The following DENND10 variants were observed in gnomAD, a reference collection of about 807,000 sequenced individuals.
DENND10 encodes DENN domain-containing protein 10.
A neutral mutation model predicts 43.6 loss-of-function variants in DENND10; 24 were observed. That is an observed-to-expected ratio of 0.55 (90% CI 0.40 to 0.77). The LOEUF is 0.77. Among genes scored for constraint, DENND10 ranks in the 30% least tolerant of loss-of-function variants. The pLI, the probability that DENND10 is intolerant of heterozygous loss-of-function variation, is 0.00. For synonymous variants in DENND10, 125 were observed against 157.6 expected (o/e 0.79, Z 1.55); for missense variants, 303 against 429.9 (o/e 0.70, Z 2.61).
chr10:119,129,163 T>C (rs17098463), intron 6 of DENND10, among the ~76,000 whole-genome samples: 2,427 of 152,224 alleles, frequency 0.016, 56 homozygotes, highest in African/African-American at 0.056. Flanking sequence ...GCATTTGCCA[T>C]TGATTTCCTG....
Position 119,131,404 on chromosome 10 carries a change from G to A in DENND10, c.803-1111G>A, listed in dbSNP as rs1846082983. ...ACCCGGGAGGCAGAGCTTGCAGTGA[G>A]CCGAGATCGCGCCACTGCACTCCAG... On this transcript the variant is annotated intron_variant, in intron 7 of 8. Transcript: ENST00000361432. Among the ~76,000 whole-genome samples the A allele has an allele frequency of 2.0e-5, 3 of 152,174 alleles. No individual in the cohort carries two copies. The South Asian group carries it at 6.2e-4, about 32-fold the overall frequency.
chr10:119,123,238 C>T (rs1184178431), intron 5 of DENND10, among the ~76,000 whole-genome samples: 2 of 152,194 alleles, frequency 1.3e-5, no homozygotes, highest in Non-Finnish European at 2.9e-5. Context: ...CATTGCACTC[C>T]AGCCTGGGTG....
chr10:119,117,969 AAAAAAAC>A (rs1041069433), intron 4 of DENND10, among the ~76,000 whole-genome samples: 1 of 152,202 alleles, frequency 6.6e-6, no homozygotes, highest in Non-Finnish European at 1.5e-5. Context: ...CCGTCTCAAA[AAAAAAAC>A]AAAAAACAAA....
In DENND10 at chr10:119,132,468, T is replaced by G; in HGVS notation, c.803-47T>G. 1 of 1,513,678 alleles carries G rather than the reference T, an allele frequency of 6.6e-7. No homozygotes were observed. Among genetic ancestry groups the G allele is most frequent in the Non-Finnish European group, 9.2e-7 (1 of 1,089,664 alleles). The allele number at this position is 1,513,678 out of a possible 1,614,324, so 93.8% of individuals were successfully genotyped here. On this transcript the variant is annotated intron_variant, in intron 7 of 8. Transcript: ENST00000361432. This position sits in a 1 kb window ranked among gnomAD's most constrained non-coding sequence, Gnocchi z 4.2. ...CAAGTTTTCAGATAGATGGCATGAT[T>G]ATTTTTTATGTCGATTTCTAAATAT...
chr10:119,120,272 A>T, intron 4 of DENND10, 69 bp from the exon 5 acceptor site: 1 of 1,039,852 alleles, frequency 9.6e-7, no homozygotes, highest in Non-Finnish European at 1.4e-6. Context: ...AAAGAAAAAA[A>T]GAAAAAAAAA....
chr10:119,127,832 G>A (rs1845902557), intron 6 of DENND10, among the ~76,000 whole-genome samples: 1 of 151,984 alleles, frequency 6.6e-6, no homozygotes. Context: ...GTTTCATCAT[G>A]TTGGCCAGGA....
chr10:119,114,290 A>ACACC (rs1845136389), intron 3 of DENND10: 1 of 151,256 alleles, frequency 6.6e-6, no homozygotes, highest in Non-Finnish European at 1.5e-5. Flanking sequence ...ACACACACAC[A>ACACC]GGTCTGTGTG....
intron 1 of DENND10, among the ~76,000 whole-genome samples, chr10:119,106,946 A>G (rs1386715274): frequency 6.6e-6 from 1 of 152,124 alleles, no homozygotes; most frequent in Admixed American, 6.6e-5. Context: ...GCCACTCGGG[A>G]GGCTGAAGCA....
At chr10:119,116,219 CAT>C (rs1267081547) in intron 3 of DENND10, among the ~76,000 whole-genome samples, 3 of 152,192 alleles carry the variant, frequency 2.0e-5, no homozygotes, top group Admixed American at 6.6e-5. Flanking sequence ...ACGGATTCCA[CAT>C]GTGAGCTATA....
chr10:119,107,773 G>A (rs1324204393), intron 1 of DENND10, among the ~76,000 whole-genome samples, 195 bp from the exon 2 acceptor site: 1 of 152,146 alleles, frequency 6.6e-6, no homozygotes, highest in Non-Finnish European at 1.5e-5. Flanking sequence ...TACTCAGGTG[G>A]CCTGTAATTC....
Position 119,132,535 on chromosome 10 carries a change from C to T in DENND10, c.823C>T (p.Leu275=), listed in dbSNP as rs375190127. 33 of 1,613,954 alleles carry T rather than the reference C, an allele frequency of 2.0e-5. No individual in the cohort carries two copies. The highest frequency in any genetic ancestry group is 2.8e-5 in the Non-Finnish European group (33 of 1,179,942). ...LAKEAMAMGK[L]HKEMGQLIVQ... is the part of the protein sequence containing the mutation. ...ACCAGAGGCCATGGCAATGGGCAAACTGCACAAAGAAATGGGTCAGCTAAT... is the reference window on the plus strand; with the variant it reads ...ACCAGAGGCCATGGCAATGGGCAAATTGCACAAAGAAATGGGTCAGCTAAT... Residue 275 remains leucine, a synonymous_variant, in exon 8 of 9, where the codon CTG becomes TTG. Coordinates refer to ENST00000361432, the MANE Select transcript of DENND10 (RefSeq NM_207009.4). The surrounding 1 kb of genome is among the most constrained non-coding windows in gnomAD (Gnocchi z 4.2).
At chr10:119,116,472 A>G (rs1020841350) in intron 3 of DENND10, among the ~76,000 whole-genome samples, 1 of 152,186 alleles carries the variant, frequency 6.6e-6, no homozygotes, top group Non-Finnish European at 1.5e-5. Context: ...ACAGAGTTGT[A>G]TGACTGAGAA....
chr10:119,108,272 C>A, intron 2 of DENND10, 108 bp downstream of exon 2: 1 of 782,976 alleles, frequency 1.3e-6, no homozygotes, highest in South Asian at 1.7e-5. Flanking sequence ...ATCACAAGGT[C>A]AAGAGATTCA....
intron 2 of DENND10, among the ~76,000 whole-genome samples, chr10:119,109,171 G>T (rs1000445118): frequency 6.7e-6 from 1 of 149,220 alleles, no homozygotes; most frequent in African/African-American, 2.5e-5. Flanking sequence ...AGCTGTGATT[G>T]CGCCATTGCA....
chr10:119,104,641 G>C (rs1007459470), intron 1 of DENND10: 12 of 151,814 alleles, frequency 7.9e-5, no homozygotes, highest in African/African-American at 2.9e-4. Flanking sequence ...CCCGAGCCGG[G>C]GGCGGGCGGC....
rs1845509589 is a variant in DENND10, at chr10:119,120,356, T to C, written c.497T>C (p.Phe166Ser). The C allele has an allele frequency of 1.2e-6, 2 of 1,602,392 alleles. No individual in the cohort carries two copies. Among genetic ancestry groups the C allele is most frequent in the African/African-American group, 1.3e-5 (1 of 74,660 alleles). The change falls in exon 5 of 9, where the codon TTT (phenylalanine) becomes TCT (serine). Residue 166 changes from phenylalanine (F) to serine (S), a missense_variant. Physicochemically the swap from Phe to Ser is radical, Grantham distance 155 (BLOSUM62 -2). Transcript: ENST00000361432. ...AGSIKDIVSQ[F>S]GMETVILHTA... ...TTTTTTGAAGACATTGTATCTCAGT[T>C]TGGAATGGAAACTGTTATCTTACAC...
rs367836571 is a variant in DENND10, at chr10:119,135,791, T to TAAAAAAAAAAAAAAAAAA, written c.898-672_898-655dup. Among the ~76,000 whole-genome samples, 176 of 64,000 alleles carry TAAAAAAAAAAAAAAAAAA rather than the reference T, an allele frequency of 2.7e-3. 8 individuals carry two copies. Among genetic ancestry groups the TAAAAAAAAAAAAAAAAAA allele is most frequent in the East Asian group, 5.2e-3 (10 of 1,908 alleles). 42.0% of individuals were successfully genotyped at this position (64,000 alleles called of 152,430 possible). A position where few individuals can be genotyped will look rare whatever the true frequency, so the allele number is the denominator to read the frequency against. On this transcript the variant is annotated intron_variant, in intron 8 of 8. Coordinates refer to ENST00000361432, the MANE Select transcript of DENND10 (RefSeq NM_207009.4). ...TACACTCAGAAAATGACTAAAATTG[T>TAAAAAAAAAAAAAAAAAA]AAAAAAAAAAAAAAAAAAAAAAAAA...
At chr10:119,133,149 C>T in intron 8 of DENND10, 1 of 157,548 alleles carries the variant, frequency 6.3e-6, no homozygotes, top group Non-Finnish European at 1.4e-5. Context: ...ACCTGCTCTG[C>T]CCTTGCCAAA....
chr10:119,107,939 T>C (rs1352312871), intron 1 of DENND10, 29 bp from the exon 2 acceptor site: 1 of 1,605,486 alleles, frequency 6.2e-7, no homozygotes, highest in African/African-American at 1.3e-5. Context: ...CTGTTTGACA[T>C]TCTCACAGTG....
Sources: allele counts gnomAD v4.1 joint callset (sites outside exome capture counted in the v4.1 genomes callset), GRCh38; gene constraint gnomAD v4.1.1; non-coding constraint Gnocchi (gnomAD v3.1); transcripts MANE v1.5; gene names NCBI Gene and HGNC (gene_info 2026-07-23, HGNC 2026-07-21).